UTS2: variants seen among roughly 807,000 people sequenced by gnomAD.
UTS2 encodes urotensin 2.
A neutral mutation model predicts 12.6 loss-of-function variants in UTS2; 10 were observed. The ratio of observed to expected loss-of-function variants is 0.80; its 90% CI spans 0.49 to 1.35. The LOEUF (loss-of-function observed/expected upper bound fraction) is 1.35, where lower values mean the gene tolerates loss of function less well. Among genes scored for constraint, UTS2 ranks in the 40% most tolerant of loss-of-function variants. UTS2 has a pLI of 0.00. For synonymous variants in UTS2, 52 were observed against 50.0 expected (o/e 1.04, Z -0.17); for missense variants, 142 against 143.2 (o/e 0.99, Z 0.04).
At chr1:7,891,536 A>AAAAGAAAGAAAAG in the UTS2 span, among the ~76,000 whole-genome samples, 1 of 109,820 alleles carries the variant, frequency 9.1e-6, no homozygotes, top group Non-Finnish European at 1.8e-5. Flanking sequence ...AGAAAGAAAG[A>AAAAGAAAGAAAAG]AAAGAAAGAA....
At chr1:7,862,998 G>GTATT in the UTS2 span, among the ~76,000 whole-genome samples, 2 of 19,584 alleles carry the variant, frequency 1.0e-4, no homozygotes, top group African/African-American at 1.7e-4. Flanking sequence ...GTGTTGTATT[G>GTATT]TATTGTATTG....
chr1:7,894,525 C>A, the UTS2 span, among the ~76,000 whole-genome samples: 1 of 152,098 alleles, frequency 6.6e-6, no homozygotes, highest in Admixed American at 6.6e-5. Context: ...CAGAACCCTG[C>A]CCCTCTGGCC....
At chr1:7,853,653 A>C, upstream of UTS2, 1 of 498,832 alleles carries the variant, frequency 2.0e-6, no homozygotes, top group Non-Finnish European at 3.5e-6. Context: ...CAGAGAAAGG[A>C]AATAACTTCA....
chr1:7,861,343 A>G, the UTS2 span, among the ~76,000 whole-genome samples: 5 of 152,176 alleles, frequency 3.3e-5, no homozygotes, highest in African/African-American at 7.2e-5. Context: ...AATGCTGGCA[A>G]CTTTGACAAG....
chr1:7,912,352 G>A, the UTS2 span, among the ~76,000 whole-genome samples: 19 of 152,214 alleles, frequency 1.2e-4, no homozygotes, highest in African/African-American at 4.3e-4. Flanking sequence ...AGGACTCAGC[G>A]GCATAAACCA....
At chr1:7,866,724 T>C in the UTS2 span, among the ~76,000 whole-genome samples, 3 of 152,162 alleles carry the variant, frequency 2.0e-5, no homozygotes, top group African/African-American at 7.2e-5. This position sits in a 1 kb window ranked among gnomAD's most constrained non-coding sequence, Gnocchi z 4.5. Flanking sequence ...TCAGGGGCAG[T>C]GTGTGATGCC....
chr1:7,891,440 C>G, the UTS2 span, among the ~76,000 whole-genome samples: 7 of 151,874 alleles, frequency 4.6e-5, no homozygotes, highest in East Asian at 1.4e-3. Flanking sequence ...GCAGGAGAAT[C>G]CCTTGAACCG....
At chr1:7,855,521 T>C (rs1214563779), upstream of UTS2, among the ~76,000 whole-genome samples, 1 of 151,942 alleles carries the variant, frequency 6.6e-6, no homozygotes, top group Non-Finnish European at 1.5e-5. Context: ...GAGTCGGAGG[T>C]TGCAGTGAGC....
At chr1:7,853,273 T>C (rs1291480594), upstream of UTS2, 3 of 1,613,152 alleles carry the variant, frequency 1.9e-6, no homozygotes, top group Non-Finnish European at 1.7e-6. Flanking sequence ...TAAAGAACAG[T>C]GAGTTTATAA....
the UTS2 span, among the ~76,000 whole-genome samples, chr1:7,902,123 G>A: frequency 6.6e-6 from 1 of 152,042 alleles, no homozygotes; most frequent in African/African-American, 2.4e-5. Flanking sequence ...GACTGCGGAG[G>A]GTGGCAATTC....
chr1:7,876,125 G>T, the UTS2 span, among the ~76,000 whole-genome samples: 1 of 152,160 alleles, frequency 6.6e-6, no homozygotes, highest in African/African-American at 2.4e-5. Context: ...CTGCCCCCCT[G>T]CTGCCACCAG....
At chr1:7,907,641 T>TAAA in the UTS2 span, among the ~76,000 whole-genome samples, 26 of 131,622 alleles carry the variant, frequency 2.0e-4, 1 homozygote, top group African/African-American at 7.2e-4. Flanking sequence ...ACCATGTCTC[T>TAAA]AAAAAAAAAA....
At chr1:7,887,006 A>C in the UTS2 span, among the ~76,000 whole-genome samples, 61 of 122,238 alleles carry the variant, frequency 5.0e-4, no homozygotes, top group African/African-American at 1.9e-3. Context: ...ACGTCACTGC[A>C]CTCCAGCCTG....
chr1:7,863,041 TTGTATTG>T, the UTS2 span, among the ~76,000 whole-genome samples: 420 of 29,352 alleles, frequency 0.014, 15 homozygotes, highest in Middle Eastern at 0.029. Flanking sequence ...TTGTATTGTA[TTGTATTG>T]TATTGTATTG....
the UTS2 span, among the ~76,000 whole-genome samples, chr1:7,911,085 T>A: frequency 6.6e-6 from 1 of 151,838 alleles, no homozygotes; most frequent in African/African-American, 2.4e-5. Flanking sequence ...CCCAGTACTT[T>A]TGTAGTGAAT....
the UTS2 span, among the ~76,000 whole-genome samples, chr1:7,874,145 T>C: frequency 6.6e-6 from 1 of 152,000 alleles, no homozygotes; most frequent in Non-Finnish European, 1.5e-5. Context: ...CAGGATCAGC[T>C]CAGATCCAAG....
the UTS2 span, among the ~76,000 whole-genome samples, chr1:7,883,909 G>A: frequency 8.6e-5 from 13 of 151,514 alleles, no homozygotes; most frequent in East Asian, 1.9e-4. Flanking sequence ...CCACCACCCC[G>A]GTTCAAGTGA....
chr1:7,888,679 G>A, the UTS2 span, among the ~76,000 whole-genome samples: 48 of 152,288 alleles, frequency 3.2e-4, no homozygotes, highest in Admixed American at 1.3e-3. Context: ...CAGACCACAC[G>A]ACAAGTGTGA....
rs1363889934 is a variant in UTS2 at position 7,847,764 on chromosome 1, C to T, written c.*2G>A. The stretch of plus-strand genomic sequence containing the variant: ...AGCTGACTAACAGATGCTTATTTCA[C>T]TTCAGACACAGTATTTCCAGAAGCA... On this transcript the variant is annotated 3_prime_UTR_variant, in exon 4 of 4. Transcript: ENST00000361696. 1 of 1,605,216 alleles carries T rather than the reference C, an allele frequency of 6.2e-7. No homozygotes were observed. Among genetic ancestry groups the T allele is most frequent in the Non-Finnish European group, 8.5e-7 (1 of 1,173,518 alleles).
Sources: gnomAD v4.1 joint callset for allele counts (sites outside exome capture counted in the v4.1 genomes callset) on GRCh38, gnomAD v4.1.1 for gene constraint, Gnocchi (gnomAD v3.1) non-coding constraint, MANE v1.5 for transcripts, NCBI Gene and HGNC (gene_info 2026-07-23, HGNC 2026-07-21) for gene names.